Variants in UQCC1 observed in about 807,000 individuals in gnomAD.
UQCC1 encodes ubiquinol-cytochrome c reductase complex assembly factor 1.
A neutral mutation model predicts 48.0 loss-of-function variants in UQCC1; 38 were observed. The ratio of observed to expected loss-of-function variants is 0.79; its 90% CI spans 0.61 to 1.04. The LOEUF is 1.04. Ranked by LOEUF, UQCC1 falls within the 50% of genes least tolerant of loss-of-function variation. The pLI, the probability that UQCC1 is intolerant of heterozygous loss-of-function variation, is 0.00. For missense variants in UQCC1, 368 were observed against 381.8 expected, an observed-to-expected ratio of 0.96 and a Z score of 0.30; for synonymous variants, 111 against 129.2, an observed-to-expected ratio of 0.86 and a Z score of 0.95.
At chr20:35,384,775 G>A in intron 2 of UQCC1, 1 of 343,618 alleles carries the variant, frequency 2.9e-6, no homozygotes, top group Non-Finnish European at 5.7e-6. Flanking sequence ...TTGAGAGCCT[G>A]GCCAATATGG....
At chr20:35,376,268 A>AC (rs2061798538) in intron 4 of UQCC1, among the ~76,000 whole-genome samples, 1 of 152,088 alleles carries the variant, frequency 6.6e-6, no homozygotes, top group Non-Finnish European at 1.5e-5. Flanking sequence ...AGATTGTGCC[A>AC]CTGCACTCCA....
At chr20:35,397,635 A>G (rs1399295063) in intron 1 of UQCC1, among the ~76,000 whole-genome samples, 1 of 152,142 alleles carries the variant, frequency 6.6e-6, no homozygotes, top group Non-Finnish European at 1.5e-5. Flanking sequence ...CTATTTACAT[A>G]GCACCTATAT....
intron 7 of UQCC1, among the ~76,000 whole-genome samples, chr20:35,326,173 C>T (rs892919292): frequency 2.0e-5 from 3 of 151,960 alleles, no homozygotes; most frequent in African/African-American, 4.8e-5. Flanking sequence ...AGTGACAACA[C>T]GAACAAAGAG....
At chr20:35,309,632 G>A (rs967937124) in intron 8 of UQCC1, among the ~76,000 whole-genome samples, 4 of 152,084 alleles carry the variant, frequency 2.6e-5, no homozygotes, top group African/African-American at 4.8e-5. Flanking sequence ...CAATCTAATC[G>A]GGTGCCTACT....
chr20:35,376,060 C>T (rs554732336), intron 4 of UQCC1, among the ~76,000 whole-genome samples: 50 of 151,838 alleles, frequency 3.3e-4, no homozygotes, highest in African/African-American at 1.2e-3. Context: ...CTAATCCCAG[C>T]ACTTTGAGAG....
In UQCC1 at chr20:35,347,231, TTCCCAC is replaced by T. The variant is rs754398534; in HGVS notation, c.500_505del (p.Ser167_Gly168del). The T allele has an allele frequency of 6.2e-7, 1 of 1,614,154 alleles. No homozygotes were observed. Among genetic ancestry groups the T allele is most frequent in the Non-Finnish European group, 8.5e-7 (1 of 1,180,036 alleles). ...ATGAACTATGATACGACACATGTAC[TTCCCAC>T]TCCGGCCTTCCTGCTTCATTCGGAC... On this transcript the variant is annotated inframe_deletion, in exon 7 of 10. Transcript: ENST00000374385.
At chr20:35,401,739 G>A (rs979370406) in intron 1 of UQCC1, among the ~76,000 whole-genome samples, 2 of 133,516 alleles carry the variant, frequency 1.5e-5, no homozygotes, top group Non-Finnish European at 3.1e-5. Flanking sequence ...TCAGCTCACC[G>A]CAACCTCTGC....
chr20:35,309,585 T>C (rs1298679682), intron 8 of UQCC1, among the ~76,000 whole-genome samples: 1 of 152,218 alleles, frequency 6.6e-6, no homozygotes, highest in East Asian at 1.9e-4. Flanking sequence ...AGAAGGGTCC[T>C]GGGAACCAAA....
In UQCC1 at chr20:35,384,060, C is replaced by T. The variant is rs1216693063; in HGVS notation, c.203G>A (p.Arg68Lys). 1 of 1,612,654 alleles carries T rather than the reference C, an allele frequency of 6.2e-7. No individual in the cohort carries two copies. The highest frequency in any genetic ancestry group is 2.2e-5 in the East Asian group (1 of 44,862). ...CACCTTACGTGTGGTGTGATACTTC[C>T]TATTCAGCTGTATGTCTATTCCAGG... ...QIPGIDIQLNRKYHTTRKLST... is the reference protein window; with the variant it reads ...QIPGIDIQLNKKYHTTRKLST... Residue 68 changes from arginine (R) to lysine (K), a missense_variant, in exon 3 of 10, where the codon AGG (arginine) becomes AAG (lysine). By Grantham distance (26) the Arg-to-Lys change is conservative. Transcript: ENST00000374385.
chr20:35,372,639 G>A (rs1218267637), intron 5 of UQCC1, among the ~76,000 whole-genome samples: 1 of 152,228 alleles, frequency 6.6e-6, no homozygotes, highest in Non-Finnish European at 1.5e-5. Flanking sequence ...ACTAAGGCAG[G>A]TGGATCATGT....
At chr20:35,352,235 T>A (rs2061497228) in intron 6 of UQCC1, among the ~76,000 whole-genome samples, 3 of 152,228 alleles carry the variant, frequency 2.0e-5, no homozygotes. Flanking sequence ...GGCAGGGCCA[T>A]GGAAGAGTTC....
intron 3 of UQCC1, among the ~76,000 whole-genome samples, 162 bp downstream of exon 3, chr20:35,383,876 G>C (rs2061905854): frequency 6.6e-6 from 1 of 152,072 alleles, no homozygotes; most frequent in South Asian, 2.1e-4. Context: ...CATTTTGTCT[G>C]CCACTTACTT....
intron 6 of UQCC1, among the ~76,000 whole-genome samples, chr20:35,353,588 C>G (rs527362392): frequency 4.0e-5 from 6 of 151,840 alleles, no homozygotes; most frequent in Non-Finnish European, 8.8e-5. Context: ...GCCAAGAGTT[C>G]AAGACCAACC....
At chr20:35,400,491 AT>A (rs943996847) in intron 1 of UQCC1, among the ~76,000 whole-genome samples, 1 of 150,002 alleles carries the variant, frequency 6.7e-6, no homozygotes, top group Non-Finnish European at 1.5e-5. Context: ...CAAAAAAAAA[AT>A]TTTTTTCTTT....
chr20:35,326,201 A>C lies in UQCC1; in HGVS notation c.574-11436T>G, dbSNP rs181151652. On this transcript the variant is annotated intron_variant, in intron 7 of 9. Coordinates refer to ENST00000374385, the MANE Select transcript of UQCC1 (RefSeq NM_018244.5). ...ACAAAGAGGAAGGCATGCTTTCAAG[A>C]GAAATGACTACAGCCAGAGCAACGG... 4.2e-3 allele frequency among the ~76,000 whole-genome samples: 637 copies of C among 152,346 alleles called. 2 individuals are homozygous for C. Among genetic ancestry groups the C allele is most frequent in the Non-Finnish European group, 7.2e-3 (492 of 68,032 alleles).
At chr20:35,359,749 C>G (rs1361678672) in intron 6 of UQCC1, among the ~76,000 whole-genome samples, 1 of 152,224 alleles carries the variant, frequency 6.6e-6, no homozygotes, top group African/African-American at 2.4e-5. Context: ...GTTTCCCTTA[C>G]TCTGTCACCA....
intron 8 of UQCC1, among the ~76,000 whole-genome samples, chr20:35,311,128 G>A (rs2060988899): frequency 6.6e-6 from 1 of 152,092 alleles, no homozygotes; most frequent in Admixed American, 6.6e-5. Flanking sequence ...ACCCCTCATT[G>A]TTAGGTAGAG....
At chr20:35,316,805 A>T (rs987028281) in intron 7 of UQCC1, among the ~76,000 whole-genome samples, 6 of 151,008 alleles carry the variant, frequency 4.0e-5, no homozygotes, top group Non-Finnish European at 7.4e-5. Flanking sequence ...TGCCCAGCTA[A>T]TTTTTTCTAT....
chr20:35,395,913 G>C (rs2062071031), intron 1 of UQCC1, among the ~76,000 whole-genome samples: 1 of 149,494 alleles, frequency 6.7e-6, no homozygotes, highest in African/African-American at 2.4e-5. Context: ...TCTGGGAAGA[G>C]AAACAAAATA....
Sources: gnomAD v4.1 joint callset for allele counts (sites outside exome capture counted in the v4.1 genomes callset) on GRCh38, gnomAD v4.1.1 for gene constraint, MANE v1.5 for transcripts, NCBI Gene and HGNC (gene_info 2026-07-23, HGNC 2026-07-21) for gene names.